POU6F2: variants seen among roughly 807,000 people sequenced by gnomAD.
POU6F2 encodes the protein POU domain, class 6, transcription factor 2.
POU6F2 carries 31 observed loss-of-function variants against 71.3 expected under a neutral mutation model. The observed-to-expected ratio is 0.43, with a 90% CI of 0.33 to 0.59. The LOEUF is 0.59. Among genes scored for constraint, POU6F2 ranks in the 20% least tolerant of loss-of-function variants. POU6F2 has a pLI of 0.04. For synonymous variants in POU6F2, 347 were observed against 355.7 expected (o/e 0.98, Z 0.27); for missense variants, 783 against 856.8 (o/e 0.91, Z 1.07).
chr7:39,086,172 C>A (rs1791241676), intron 2 of POU6F2, 141 bp downstream of exon 2: 9 of 867,970 alleles, frequency 1.0e-5, no homozygotes, highest in Non-Finnish European at 1.3e-5. Flanking sequence ...AGGTGCTAAG[C>A]CACTGAAGCT....
chr7:38,991,613 G>A (rs1788605277), intron 1 of POU6F2, among the ~76,000 whole-genome samples: 1 of 152,180 alleles, frequency 6.6e-6, no homozygotes, highest in Non-Finnish European at 1.5e-5. Context: ...TGAAAAGTAT[G>A]TTCACATGAA....
At position 39,460,546 on chromosome 7, in the gene POU6F2, G is replaced by A; in HGVS notation, c.1490-1G>A. Reference sequence around the variant, plus strand: ...TCCTATTTTTAAAAACATCTCCACAGATCCTCAAACGGCAGCGGGTGAGGT... The same window carrying A: ...TCCTATTTTTAAAAACATCTCCACAAATCCTCAAACGGCAGCGGGTGAGGT... On this transcript the variant is annotated splice_acceptor_variant, in intron 8 of 9. Transcript: ENST00000518318. LOFTEE classifies it high-confidence loss of function. This position sits in a 1 kb window ranked among gnomAD's most constrained non-coding sequence, Gnocchi z 4.4. The A allele has an allele frequency of 6.2e-7, 1 of 1,613,366 alleles. No homozygotes were observed.
chr7:39,300,241 T>C (rs1417908051), intron 4 of POU6F2, among the ~76,000 whole-genome samples: 1 of 152,194 alleles, frequency 6.6e-6, no homozygotes, highest in Admixed American at 6.5e-5. Flanking sequence ...CTAAACATTG[T>C]GATAAATAAC....
At chr7:39,176,121 G>A (rs911960850) in intron 2 of POU6F2, among the ~76,000 whole-genome samples, 12 of 152,064 alleles carry the variant, frequency 7.9e-5, no homozygotes, top group African/African-American at 2.4e-4. Flanking sequence ...GCTTAACTCC[G>A]CCAAATAACC....
At chr7:38,999,368 T>G (rs958139865) in intron 1 of POU6F2, among the ~76,000 whole-genome samples, 1 of 152,162 alleles carries the variant, frequency 6.6e-6, no homozygotes, top group Non-Finnish European at 1.5e-5. Flanking sequence ...GCACAGGGTT[T>G]TCATAAAGGC....
intron 1 of POU6F2, among the ~76,000 whole-genome samples, chr7:39,064,078 GC>G (rs1481444837): frequency 6.6e-6 from 1 of 152,090 alleles, no homozygotes. Flanking sequence ...ATGGATTGCT[GC>G]TGAACTTTGA....
chr7:38,989,970 A>G (rs1164965382), intron 1 of POU6F2, among the ~76,000 whole-genome samples: 1 of 152,100 alleles, frequency 6.6e-6, no homozygotes. Flanking sequence ...TTGATAAATT[A>G]ACATTCTGTC....
intron 4 of POU6F2, among the ~76,000 whole-genome samples, chr7:39,218,895 A>G (rs1195023189): frequency 6.6e-6 from 1 of 152,180 alleles, no homozygotes; most frequent in Non-Finnish European, 1.5e-5. Flanking sequence ...TAGAACTCAG[A>G]AAAAGATTTA....
chr7:39,386,503 G>C (rs1485146881), intron 5 of POU6F2, among the ~76,000 whole-genome samples: 1 of 152,170 alleles, frequency 6.6e-6, no homozygotes, highest in Non-Finnish European at 1.5e-5. Context: ...TGAGATGAGA[G>C]ATGAGTTGCT....
At chr7:39,293,772 G>T (rs997436282) in intron 4 of POU6F2, among the ~76,000 whole-genome samples, 3 of 152,290 alleles carry the variant, frequency 2.0e-5, no homozygotes, top group Admixed American at 2.0e-4. Flanking sequence ...GGAAACCCGT[G>T]ACTGTTTTTA....
intron 1 of POU6F2, among the ~76,000 whole-genome samples, chr7:39,033,692 G>A (rs1196836325): frequency 6.6e-6 from 1 of 152,176 alleles, no homozygotes; most frequent in African/African-American, 2.4e-5. Flanking sequence ...GACTGCCCGG[G>A]AAGTTGACTT....
chr7:38,982,507 A>G (rs867761982), intron 1 of POU6F2, among the ~76,000 whole-genome samples: 1 of 152,144 alleles, frequency 6.6e-6, no homozygotes, highest in Non-Finnish European at 1.5e-5. Context: ...TTTCATTCAT[A>G]CTTATAGGAA....
chr7:39,386,073 G>A (rs985343375), intron 5 of POU6F2, among the ~76,000 whole-genome samples: 24 of 145,362 alleles, frequency 1.7e-4, no homozygotes, highest in Non-Finnish European at 2.5e-4. Context: ...AGCTGAGATC[G>A]CACCACTGCA....
At chr7:39,074,774 C>T (rs768089278) in intron 1 of POU6F2, among the ~76,000 whole-genome samples, 7 of 152,096 alleles carry the variant, frequency 4.6e-5, no homozygotes, top group Non-Finnish European at 7.4e-5. Flanking sequence ...CCACAATAAA[C>T]TACACAAACA....
intron 2 of POU6F2, among the ~76,000 whole-genome samples, chr7:39,134,442 G>A (rs1792350393): frequency 6.6e-6 from 1 of 152,158 alleles, no homozygotes; most frequent in Admixed American, 6.5e-5. Flanking sequence ...AAGATCCACA[G>A]ATCATGATAA....
In POU6F2 at chr7:39,278,562, C is replaced by T. The variant is rs149500433; in HGVS notation, c.599-61080C>T. ...TAGATTCTGAAACTGATTTCCAGACCTTCCTTGTAAGTAGAATGCAGGCAG... is the reference window on the plus strand; with the variant it reads ...TAGATTCTGAAACTGATTTCCAGACTTTCCTTGTAAGTAGAATGCAGGCAG... On this transcript the variant is annotated intron_variant, in intron 4 of 9. Coordinates refer to ENST00000518318, the MANE Select transcript of POU6F2 (RefSeq NM_001370959.1). 1.1e-4 allele frequency among the ~76,000 whole-genome samples: 17 copies of T among 152,260 alleles called. No homozygotes were observed. The East Asian group carries it at 1.7e-3, about 16-fold the overall frequency.
At chr7:38,986,607 C>T (rs1296187792) in intron 1 of POU6F2, among the ~76,000 whole-genome samples, 3 of 152,006 alleles carry the variant, frequency 2.0e-5, no homozygotes, top group East Asian at 1.9e-4. Flanking sequence ...CTTATATGCA[C>T]GTGATTGAAG....
At chr7:39,307,171 C>T (rs1312209034) in intron 4 of POU6F2, among the ~76,000 whole-genome samples, 1 of 152,146 alleles carries the variant, frequency 6.6e-6, no homozygotes, top group Non-Finnish European at 1.5e-5. Flanking sequence ...CAGCCACCAC[C>T]TCTTAAAACA....
rs556758559 is a variant in POU6F2 at position 39,007,615 on chromosome 7, C to T, written c.105+29557C>T. Among the ~76,000 whole-genome samples, 15 of 152,120 alleles carry T rather than the reference C, an allele frequency of 9.9e-5. No individual in the cohort carries two copies. The South Asian group carries it at 1.0e-3, about 11-fold the overall frequency. On this transcript the variant is annotated intron_variant, in intron 1 of 9. Coordinates refer to ENST00000518318, the MANE Select transcript of POU6F2 (RefSeq NM_001370959.1). ...TATGTATACATGTGCCATGGTGGTGCGCTGCACCCACTAACTCATCATCTA... is the reference window on the plus strand; with the variant it reads ...TATGTATACATGTGCCATGGTGGTGTGCTGCACCCACTAACTCATCATCTA...
Sources: allele counts gnomAD v4.1 joint callset (sites outside exome capture counted in the v4.1 genomes callset), GRCh38; gene constraint gnomAD v4.1.1; non-coding constraint Gnocchi (gnomAD v3.1); transcripts MANE v1.5; gene names NCBI Gene and HGNC (gene_info 2026-07-23, HGNC 2026-07-21).